The following OCIAD2 variants were observed in gnomAD, a reference collection of about 807,000 sequenced individuals.
OCIAD2 encodes the protein OCIA domain-containing protein 2.
A neutral mutation model predicts 22.9 loss-of-function variants in OCIAD2; 29 were observed. That is an observed-to-expected ratio of 1.27 (90% CI 0.94 to 1.73). The LOEUF (loss-of-function observed/expected upper bound fraction) is 1.73. Ranked by LOEUF, OCIAD2 falls within the 40% of genes most tolerant of loss-of-function variation. OCIAD2 has a pLI of 0.00. For missense variants in OCIAD2, 189 were observed against 180.3 expected (o/e 1.05, Z -0.28); for synonymous variants, 67 against 60.2 (o/e 1.11, Z -0.52).
intron 6 of OCIAD2, among the ~76,000 whole-genome samples, chr4:48,887,867 C>T: frequency 6.6e-6 from 1 of 152,100 alleles, no homozygotes; most frequent in East Asian, 1.9e-4. Context: ...TTTTCCAATT[C>T]TGTGAAGAAA....
Position 48,904,486 on chromosome 4 carries a change from G to A in OCIAD2, c.64C>T (p.Gln22Ter). The change falls in exon 2 of 7, where the codon CAG becomes TAG. Residue 22 changes from glutamine to a stop codon, truncating the protein, a stop_gained and splice_region_variant. Transcript: ENST00000508632. LOFTEE classifies it high-confidence loss of function. Reference protein sequence around the residue: ...KDAHFPPPSKQSLLFCPKSKL... With the variant: ...KDAHFPPPSK ...GATCAATAAATATAAAAGTATACCTGCTTGCTTGGTGGTGGAAAATGGGCA... is the reference window on the plus strand; with the variant it reads ...GATCAATAAATATAAAAGTATACCTACTTGCTTGGTGGTGGAAAATGGGCA... 1 of 1,613,232 alleles carries A rather than the reference G, an allele frequency of 6.2e-7. No homozygotes were observed. Among genetic ancestry groups the A allele is most frequent in the Non-Finnish European group, 8.5e-7 (1 of 1,179,182 alleles).
At chr4:48,897,004 C>G (rs898389046) in intron 4 of OCIAD2, 1 of 152,472 alleles carries the variant, frequency 6.6e-6, no homozygotes, top group Non-Finnish European at 1.5e-5. Flanking sequence ...CTTACGGTCT[C>G]TTGTATGGAG....
At chr4:48,886,665 T>G (rs1780997857) in intron 6 of OCIAD2, among the ~76,000 whole-genome samples, 1 of 152,196 alleles carries the variant, frequency 6.6e-6, no homozygotes, top group Admixed American at 6.5e-5. Flanking sequence ...ACAAAGGACA[T>G]GAACTCATCC....
chr4:48,896,892 G>A (rs1296578790), intron 4 of OCIAD2, among the ~76,000 whole-genome samples: 1 of 152,208 alleles, frequency 6.6e-6, no homozygotes, highest in Non-Finnish European at 1.5e-5. Flanking sequence ...CTGGTCAGGT[G>A]GAGACAGGGA....
intron 1 of OCIAD2, among the ~76,000 whole-genome samples, chr4:48,905,918 C>T (rs1048163710): frequency 5.3e-5 from 8 of 152,140 alleles, no homozygotes; most frequent in African/African-American, 1.7e-4. Flanking sequence ...GTTAATTGGG[C>T]ATAATGGACA....
chr4:48,891,638 A>G (rs1781180851), intron 6 of OCIAD2, among the ~76,000 whole-genome samples: 1 of 152,250 alleles, frequency 6.6e-6, no homozygotes, highest in African/African-American at 2.4e-5. Flanking sequence ...GAAGAGGAAG[A>G]GGAAGCAGTC....
Position 48,885,472 on chromosome 4 carries a change from C to A in OCIAD2, c.*12G>T. On this transcript the variant is annotated 3_prime_UTR_variant, in exon 7 of 7. Coordinates refer to ENST00000508632, the MANE Select transcript of OCIAD2 (RefSeq NM_001014446.3). ...GAGGTTTAAAAAACTTCGAAAGTCA[C>A]AGACACAGAATTTAGGAAGCTGAAG... The A allele has an allele frequency of 1.3e-6, 2 of 1,530,158 alleles. No individual in the cohort carries two copies. Among genetic ancestry groups the A allele is most frequent in the Non-Finnish European group, 9.0e-7 (1 of 1,105,996 alleles). The allele number at this position is 1,530,158 out of a possible 1,614,324, so 94.8% of individuals were successfully genotyped here.
At chr4:48,899,946 T>C in intron 2 of OCIAD2, 21 bp from the exon 3 acceptor site, 1 of 1,554,808 alleles carries the variant, frequency 6.4e-7, no homozygotes, top group Non-Finnish European at 8.9e-7. Flanking sequence ...AGTTATATGG[T>C]GAGCTAACTG....
At chr4:48,891,334 A>G (rs571699759) in intron 6 of OCIAD2, among the ~76,000 whole-genome samples, 50 of 152,322 alleles carry the variant, frequency 3.3e-4, no homozygotes, top group African/African-American at 1.2e-3. Context: ...AAAATCAAAT[A>G]GCTTTGTGAA....
chr4:48,885,143 C>A lies in OCIAD2; in HGVS notation c.*341G>T, dbSNP rs1015237975. On this transcript the variant is annotated 3_prime_UTR_variant, in exon 7 of 7. Transcript: ENST00000508632. ...AGCTGGGATTACAGGCATGTGCCAC[C>A]ACGCCTGGCTAATTTTTATATTTTT... 1.1e-5 allele frequency: 2 copies of A among 181,812 alleles called. No individual in the cohort carries two copies. Among genetic ancestry groups the A allele is most frequent in the Non-Finnish European group, 2.3e-5 (2 of 87,294 alleles). The allele number at this position is 181,812 out of a possible 1,614,324, so 11.3% of individuals were successfully genotyped here.
chr4:48,890,252 TAA>T (rs556448534), intron 6 of OCIAD2, among the ~76,000 whole-genome samples: 1 of 142,714 alleles, frequency 7.0e-6, no homozygotes, highest in Admixed American at 7.0e-5. Context: ...AACTTAAAGT[TAA>T]AAAAAAAAAG....
rs568320510 is a variant in OCIAD2 at position 48,892,361 on chromosome 4, C to T, written c.383+411G>A. Reference sequence around the variant, plus strand: ...AGTACTATAACAGCAGAGGTGATGCCATTAACTCCAAAGTCGTACTGCCTA... The same window carrying T: ...AGTACTATAACAGCAGAGGTGATGCTATTAACTCCAAAGTCGTACTGCCTA... On this transcript the variant is annotated intron_variant, in intron 6 of 6. Coordinates refer to ENST00000508632, the MANE Select transcript of OCIAD2 (RefSeq NM_001014446.3). Among the ~76,000 whole-genome samples, 334 of 152,262 alleles carry T rather than the reference C, an allele frequency of 2.2e-3. 3 individuals carry two copies. The highest frequency in any genetic ancestry group is 3.2e-3 in the Non-Finnish European group (217 of 68,020).
chr4:48,890,311 C>T (rs1386103528), intron 6 of OCIAD2, among the ~76,000 whole-genome samples: 2 of 151,834 alleles, frequency 1.3e-5, no homozygotes, highest in African/African-American at 2.4e-5. Context: ...GAATTTCACC[C>T]CTCAAAGAGC....
intron 6 of OCIAD2, 103 bp downstream of exon 6, chr4:48,892,669 A>C (rs1022052177): frequency 3.4e-6 from 2 of 583,500 alleles, no homozygotes; most frequent in African/African-American, 3.9e-5. Flanking sequence ...CTTTTTTTAC[A>C]TGTGAATTTA....
chr4:48,886,789 CACAATAA>C (rs200285878), intron 6 of OCIAD2, among the ~76,000 whole-genome samples: 4,986 of 152,138 alleles, frequency 0.033, 151 homozygotes, highest in East Asian at 0.17. Context: ...TGAATAGTGC[CACAATAA>C]ACATACGTGT....
chr4:48,899,198 G>T (rs568245676), intron 3 of OCIAD2, among the ~76,000 whole-genome samples: 8 of 152,230 alleles, frequency 5.3e-5, no homozygotes, highest in Middle Eastern at 3.4e-3. Context: ...TGTATCTACA[G>T]GTTCTACTCT....
chr4:48,894,163 T>C lies in OCIAD2; in HGVS notation c.218-110A>G, dbSNP rs575069950. On this transcript the variant is annotated intron_variant, in intron 4 of 6. Transcript: ENST00000508632. Reference sequence around the variant, plus strand: ...AAAGAAACCTCCAAAATTTAAGACATAAAATTTCTTAAATGTATACATATT... The same window carrying C: ...AAAGAAACCTCCAAAATTTAAGACACAAAATTTCTTAAATGTATACATATT... 9.2e-5 allele frequency: 45 copies of C among 489,892 alleles called. 1 individual carries two copies. The South Asian group carries it at 1.2e-3, about 13-fold the overall frequency. The allele number at this position is 489,892 out of a possible 1,614,324, so 30.3% of individuals were successfully genotyped here.
intron 5 of OCIAD2, 180 bp from the exon 6 acceptor site, chr4:48,893,069 C>T: frequency 2.2e-6 from 1 of 460,250 alleles, no homozygotes. Flanking sequence ...GAGACTTCCC[C>T]ATCTCAACTT....
intron 2 of OCIAD2, among the ~76,000 whole-genome samples, chr4:48,904,086 A>G (rs193233941): frequency 4.9e-4 from 75 of 151,598 alleles, no homozygotes; most frequent in African/African-American, 1.7e-3. Flanking sequence ...AAAAAATAAG[A>G]TGACTGGTTA....
Sources: gnomAD v4.1 joint callset for allele counts (sites outside exome capture counted in the v4.1 genomes callset) on GRCh38, gnomAD v4.1.1 for gene constraint, MANE v1.5 for transcripts, NCBI Gene and HGNC (gene_info 2026-07-23, HGNC 2026-07-21) for gene names.